Variants in DST observed in about 807,000 individuals in gnomAD.
The protein encoded by DST is bullous pemphigoid antigen.
A neutral mutation model predicts 875.2 loss-of-function variants in DST; 253 were observed. The observed-to-expected ratio is 0.29, with a 90% CI of 0.26 to 0.32. DST has a LOEUF of 0.32. Ranked by LOEUF, DST falls within the 10% of genes least tolerant of loss-of-function variation. DST has a pLI of 1.00. For missense variants in DST, 8,287 were observed against 9,111.6 expected, an observed-to-expected ratio of 0.91 and a Z score of 3.68; for synonymous variants, 3,124 against 3,197.1, an observed-to-expected ratio of 0.98 and a Z score of 0.77.
Position 56,634,570 on chromosome 6 carries a change from T to C in DST, c.3386A>G (p.His1129Arg). 6.2e-7 allele frequency: 1 copy of C among 1,614,210 alleles called. No individual in the cohort carries two copies. The highest frequency in any genetic ancestry group is 8.5e-7 in the Non-Finnish European group (1 of 1,180,030). Residue 1129 changes from histidine (H) to arginine (R), a missense_variant, in exon 26 of 104, where the codon CAT becomes CGT. Physicochemically the swap from His to Arg is conservative, Grantham distance 29. Transcript: ENST00000680361. ...DDECVLANNS[H>R]RAKWKVISPT... ...ACTAATGACCTTCCATTTAGCACGA[T>C]GAGAGTTATTCGCCAAAACACATTC...
chr6:56,597,831 T>C lies in DST; in HGVS notation c.12104A>G (p.Asp4035Gly). ...CTCCAACAGGTTACCATTAACTTCA[T>C]CCTCTTCTCCAATTGCTGACTTGCC... The part of the protein sequence containing the change: ...GDGKSAIGEE[D>G]EVNGNLLETD... Residue 4035 changes from aspartate (D) to glycine (G), a missense_variant, in exon 47 of 104, where the codon GAT becomes GGT. Physicochemically the swap from Asp to Gly is moderately conservative, Grantham distance 94. Coordinates refer to ENST00000680361, the MANE Select transcript of DST (RefSeq NM_001374736.1). 2.5e-6 allele frequency: 4 copies of C among 1,613,980 alleles called. No individual in the cohort carries two copies. Among genetic ancestry groups the C allele is most frequent in the East Asian group, 4.5e-5 (2 of 44,888 alleles).
intron 49 of DST, among the ~76,000 whole-genome samples, chr6:56,583,531 T>C (rs907984756): frequency 2.6e-5 from 4 of 152,200 alleles, no homozygotes; most frequent in African/African-American, 9.6e-5. Flanking sequence ...GAAAATTTTC[T>C]CCCATTTTGT....
chr6:56,631,620 A>G (rs887185355), intron 29 of DST, among the ~76,000 whole-genome samples: 1 of 152,216 alleles, frequency 6.6e-6, no homozygotes, highest in Non-Finnish European at 1.5e-5. Flanking sequence ...TTTTGCACAC[A>G]GCAGGTGTAT....
chr6:56,526,421 C>G lies in DST; in HGVS notation c.18069G>C (p.Val6023=). 6.2e-7 allele frequency: 1 copy of G among 1,613,836 alleles called. No individual in the cohort carries two copies. The change falls in exon 69 of 104, where the codon GTG becomes GTC. Residue 6023 remains valine (V), a synonymous_variant. Coordinates refer to ENST00000680361, the MANE Select transcript of DST (RefSeq NM_001374736.1). ...VAEDNERYRL[V]SDTITQKVEE... is the part of the protein sequence containing the mutation. ...CCACCTTCTGAGTGATGGTGTCGCTCACTAATCGGTAGCGCTCATTGTCCT... is the reference window on the plus strand; with the variant it reads ...CCACCTTCTGAGTGATGGTGTCGCTGACTAATCGGTAGCGCTCATTGTCCT...
intron 4 of DST, among the ~76,000 whole-genome samples, chr6:56,758,458 T>G (rs899873616): frequency 1.3e-5 from 2 of 149,796 alleles, no homozygotes; most frequent in Non-Finnish European, 3.0e-5. Flanking sequence ...TGTGACAAAC[T>G]ACACTGGAAT....
chr6:56,505,180 C>T (rs1160821609), intron 77 of DST, among the ~76,000 whole-genome samples: 3 of 152,180 alleles, frequency 2.0e-5, no homozygotes, highest in South Asian at 4.1e-4. Flanking sequence ...CTACAGCTAG[C>T]TGTACTGTAG....
In DST at chr6:56,608,600, C is replaced by T. The variant is rs751476763; in HGVS notation, c.6028G>A (p.Ala2010Thr). Residue 2010 changes from alanine (A) to threonine (T), a missense_variant, in exon 40 of 104, where the codon GCT (alanine) becomes ACT (threonine). Physicochemically the swap from Ala to Thr is moderately conservative, Grantham distance 58. Coordinates refer to ENST00000680361, the MANE Select transcript of DST (RefSeq NM_001374736.1). ...NSGQRMTVEE[A>T]VREGVIDRDT... is the part of the protein sequence containing the mutation. ...CTGTCAATCACCCCTTCTCTGACAGCTTCTTCAACAGTCATTCTTTGGCCA... is the reference window on the plus strand; with the variant it reads ...CTGTCAATCACCCCTTCTCTGACAGTTTCTTCAACAGTCATTCTTTGGCCA... 4.3e-6 allele frequency: 7 copies of T among 1,613,280 alleles called. No homozygotes were observed. The African/African-American group carries it at 9.3e-5, about 22-fold the overall frequency.
chr6:56,667,970 T>C (rs1282803158), intron 10 of DST, among the ~76,000 whole-genome samples: 1 of 152,058 alleles, frequency 6.6e-6, no homozygotes, highest in Non-Finnish European at 1.5e-5. Flanking sequence ...CTTGCTATAT[T>C]GTCTAGGTTG....
At position 56,552,219 on chromosome 6, in the gene DST, TTTCCATACCAACAG is replaced by T; in HGVS notation, c.16559_16572del (p.Pro5520HisfsTer5). 6.2e-7 allele frequency: 1 copy of T among 1,613,440 alleles called. No individual in the cohort carries two copies. The highest frequency in any genetic ancestry group is 8.5e-7 in the Non-Finnish European group (1 of 1,179,636). On this transcript the variant is annotated frameshift_variant, in exon 61 of 104. Coordinates refer to ENST00000680361, the MANE Select transcript of DST (RefSeq NM_001374736.1). LOFTEE classifies it high-confidence loss of function. Reference sequence around the variant, plus strand: ...TTAAGCTGCTGATTAATTGTCTCCGTTTCCATACCAACAGGACCTTGTGACTCTTCATGTTCTTC... The same window carrying T: ...TTAAGCTGCTGATTAATTGTCTCCGTGACCTTGTGACTCTTCATGTTCTTC...
intron 2 of DST, among the ~76,000 whole-genome samples, chr6:56,942,805 T>G (rs555972142): frequency 2.7e-5 from 4 of 146,454 alleles, no homozygotes; most frequent in South Asian, 4.5e-4. Flanking sequence ...AGCTTCGAAC[T>G]CCTGGGCTTA....
At chr6:56,855,359 A>C (rs1051806789) in intron 3 of DST, among the ~76,000 whole-genome samples, 10 of 152,244 alleles carry the variant, frequency 6.6e-5, no homozygotes, top group African/African-American at 2.4e-4. Context: ...TTCTAATATT[A>C]AACACTGCAA....
intron 87 of DST, among the ~76,000 whole-genome samples, chr6:56,486,591 T>C (rs2095576770): frequency 6.6e-6 from 1 of 152,012 alleles, no homozygotes; most frequent in Non-Finnish European, 1.5e-5. Flanking sequence ...TGGGTTTTCA[T>C]GGAAATGTAA....
chr6:56,663,064 A>C (rs1039499304), intron 10 of DST, among the ~76,000 whole-genome samples: 1 of 152,226 alleles, frequency 6.6e-6, no homozygotes, highest in Non-Finnish European at 1.5e-5. Context: ...AAGGCCAGGA[A>C]CATAAAAAGA....
rs1341581380 is a variant in DST, at chr6:56,569,884, T to C, written c.13850A>G (p.Asp4617Gly). 3.7e-6 allele frequency: 6 copies of C among 1,612,360 alleles called. 1 individual carries two copies. The highest frequency in any genetic ancestry group is 5.1e-6 in the Non-Finnish European group (6 of 1,179,390). ...PIVQPSFGAEDLGKSLEDTKK... is the reference protein window; with the variant it reads ...PIVQPSFGAEGLGKSLEDTKK... The stretch of plus-strand genomic sequence containing the variant: ...AGTGTCTTCCAAAGATTTTCCTAAA[T>C]CCTCTGCACCAAAAGAAGGCTGTAC... Residue 4617 changes from aspartate (D) to glycine (G), a missense_variant, in exon 54 of 104, where the codon GAT (aspartate) becomes GGT (glycine). Asp to Gly is a moderately conservative substitution (Grantham distance 94). Coordinates refer to ENST00000680361, the MANE Select transcript of DST (RefSeq NM_001374736.1).
chr6:56,482,614 T>C (rs924726606), intron 89 of DST, 69 bp downstream of exon 89: 5 of 1,503,662 alleles, frequency 3.3e-6, no homozygotes, highest in Non-Finnish European at 3.6e-6. Flanking sequence ...AATTTTTTAC[T>C]AGAATAGTTC....
chr6:56,894,816 C>G (rs1413885906), intron 3 of DST, among the ~76,000 whole-genome samples: 2 of 89,852 alleles, frequency 2.2e-5, no homozygotes, highest in Non-Finnish European at 4.1e-5. Context: ...CTGACCCCCC[C>G]ACCTCCCTCC....
At position 56,604,183 on chromosome 6, in the gene DST, G is replaced by T; in HGVS notation, c.10445C>A (p.Ser3482Tyr). ...TTCAAGCTGCAGTGGAAGTACTTTA[G>T]ACGTAATGCCTCTTTTCTCTAGGTC... ...EYDLEKRGIT[S>Y]KVLPLQLENI... is the part of the protein sequence containing the mutation. The change falls in exon 40 of 104, where the codon TCT becomes TAT. Residue 3482 changes from serine to tyrosine, a missense_variant. Ser to Tyr is a moderately radical substitution (Grantham distance 144, BLOSUM62 -2). Coordinates refer to ENST00000680361, the MANE Select transcript of DST (RefSeq NM_001374736.1). The T allele has an allele frequency of 6.2e-7, 1 of 1,600,990 alleles. No homozygotes were observed. Among genetic ancestry groups the T allele is most frequent in the South Asian group, 1.1e-5 (1 of 89,208 alleles).
At position 56,552,931 on chromosome 6, in the gene DST, C is replaced by T. The variant is rs58928900; in HGVS notation, c.15861G>A (p.Arg5287=). ...GCTGCTCCTTTGCACACTGAAGCTG[C>T]CTTTTAGATTCTTTGGAAACTTCTT... ...EFQEVSKESK[R]QLQCAKEQLD... is the part of the protein sequence containing the mutation. The change falls in exon 61 of 104, where the codon AGG becomes AGA. Residue 5287 remains arginine, a synonymous_variant. Transcript: ENST00000680361. The T allele has an allele frequency of 3.4e-3, 5,549 of 1,613,960 alleles. 153 individuals carry two copies. In the African/African-American group the frequency reaches 0.064, roughly 19 times the overall value.
intron 5 of DST, among the ~76,000 whole-genome samples, chr6:56,726,579 A>C (rs905215176): frequency 3.9e-5 from 6 of 152,234 alleles, no homozygotes; most frequent in African/African-American, 1.4e-4. Flanking sequence ...CAGTCAGAAG[A>C]ATGAATCCTA....
Sources: gnomAD v4.1 joint callset for allele counts (sites outside exome capture counted in the v4.1 genomes callset) on GRCh38, gnomAD v4.1.1 for gene constraint, MANE v1.5 for transcripts, NCBI Gene and HGNC (gene_info 2026-07-23, HGNC 2026-07-21) for gene names.